The following ROBO1 variants were observed in gnomAD, a reference collection of about 807,000 sequenced individuals.
The protein encoded by ROBO1 is roundabout guidance receptor 1.
ROBO1 carries 149 observed loss-of-function variants against 195.9 expected under a neutral mutation model. The observed-to-expected ratio is 0.76, with a 90% CI of 0.67 to 0.87. ROBO1 has a LOEUF of 0.87. Ranked by LOEUF, ROBO1 falls within the 40% of genes least tolerant of loss-of-function variation. The pLI, the probability that ROBO1 is intolerant of heterozygous loss-of-function variation, is 0.00. For synonymous variants in ROBO1, 816 were observed against 733.2 expected, an observed-to-expected ratio of 1.11 and a Z score of -1.82; for missense variants, 1,933 against 2,068.3, an observed-to-expected ratio of 0.93 and a Z score of 1.27.
intron 3 of ROBO1, among the ~76,000 whole-genome samples, chr3:78,962,240 C>G (rs545497377): frequency 2.0e-5 from 3 of 152,226 alleles, no homozygotes; most frequent in South Asian, 4.1e-4. Flanking sequence ...AGGCAAAGTG[C>G]CTGTGCTTCA....
At chr3:79,731,059 A>G (rs1703129873) in intron 1 of ROBO1, among the ~76,000 whole-genome samples, 1 of 152,008 alleles carries the variant, frequency 6.6e-6, no homozygotes, top group Non-Finnish European at 1.5e-5. Flanking sequence ...TTCCTTTTCT[A>G]CATTTTAGTC....
chr3:79,468,954 T>C (rs1335285014), intron 2 of ROBO1, among the ~76,000 whole-genome samples: 1 of 152,186 alleles, frequency 6.6e-6, no homozygotes, highest in Non-Finnish European at 1.5e-5. Context: ...AGAAGTGTTG[T>C]GAAGACTAAA....
In ROBO1 at chr3:79,414,278, C is replaced by T. The variant is rs76510737; in HGVS notation, c.88+175546G>A. Among the ~76,000 whole-genome samples the T allele has an allele frequency of 2.9e-3, 433 of 151,536 alleles. 2 individuals are homozygous for T. Among genetic ancestry groups the T allele is most frequent in the African/African-American group, 9.1e-3 (377 of 41,388 alleles). On this transcript the variant is annotated intron_variant, in intron 2 of 30. Transcript: ENST00000464233. ...TGTGTATGTGTGCGTGTGTCTTCAA[C>T]AGTAGGTATACAGCTCATTGTGGGC...
At chr3:78,623,296 C>T (rs1275451401) in intron 26 of ROBO1, among the ~76,000 whole-genome samples, 2 of 152,024 alleles carry the variant, frequency 1.3e-5, no homozygotes, top group African/African-American at 4.8e-5. Flanking sequence ...AATCTTGGAT[C>T]TAAAGGATAC....
In ROBO1 at chr3:78,904,704, G is replaced by GTA. The variant is rs951070284; in HGVS notation, c.499+33895_499+33896dup. ...TGTATACGTATACATATGTATATAT[G>GTA]TATATATATATGTATATGTATATAT... On this transcript the variant is annotated intron_variant, in intron 4 of 30. Transcript: ENST00000464233. Among the ~76,000 whole-genome samples the GTA allele has an allele frequency of 1.4e-3, 192 of 138,076 alleles. 1 individual carries two copies. Among genetic ancestry groups the GTA allele is most frequent in the African/African-American group, 4.8e-3 (148 of 30,896 alleles). The allele number at this position is 138,076 out of a possible 152,430, so 90.6% of individuals were successfully genotyped here.
chr3:78,802,964 T>C (rs1559872058), intron 4 of ROBO1, among the ~76,000 whole-genome samples: 1 of 152,316 alleles, frequency 6.6e-6, no homozygotes, highest in Middle Eastern at 3.4e-3. Flanking sequence ...TGAATGATAC[T>C]GCCTTCAATA....
chr3:79,677,573 A>C (rs192703070), intron 1 of ROBO1, among the ~76,000 whole-genome samples: 1 of 152,162 alleles, frequency 6.6e-6, no homozygotes, highest in Non-Finnish European at 1.5e-5. Flanking sequence ...ATTATCTCCT[A>C]GTGGGTCTCC....
chr3:79,240,454 G>C (rs1037893278), intron 2 of ROBO1, among the ~76,000 whole-genome samples: 1 of 152,086 alleles, frequency 6.6e-6, no homozygotes, highest in East Asian at 1.9e-4. Context: ...ATTTAAGTCT[G>C]CTTGATCATC....
intron 2 of ROBO1, among the ~76,000 whole-genome samples, chr3:79,270,865 C>T (rs1004853393): frequency 6.6e-6 from 1 of 151,902 alleles, no homozygotes; most frequent in African/African-American, 2.4e-5. Flanking sequence ...CACAAACTCT[C>T]ATATAATGTA....
chr3:78,977,620 A>G (rs1273905992), intron 3 of ROBO1, among the ~76,000 whole-genome samples: 1 of 150,968 alleles, frequency 6.6e-6, no homozygotes, highest in African/African-American at 2.4e-5. Context: ...TTTAAAAAAA[A>G]AGATTATTCC....
chr3:78,791,348 G>C (rs1281996245), intron 4 of ROBO1, among the ~76,000 whole-genome samples: 1 of 152,098 alleles, frequency 6.6e-6, no homozygotes, highest in Non-Finnish European at 1.5e-5. Context: ...CTAATAAAAA[G>C]AGCAGTAAGG....
At chr3:78,880,013 A>G (rs2036088852) in intron 4 of ROBO1, among the ~76,000 whole-genome samples, 1 of 152,186 alleles carries the variant, frequency 6.6e-6, no homozygotes, top group African/African-American at 2.4e-5. Flanking sequence ...TGTATACATG[A>G]CCCTACATAA....
intron 3 of ROBO1, among the ~76,000 whole-genome samples, chr3:79,074,759 G>A (rs979473501): frequency 1.3e-5 from 2 of 151,376 alleles, no homozygotes; most frequent in African/African-American, 2.4e-5. Context: ...AGCTGACCTT[G>A]ACAAAAATGT....
At chr3:78,910,032 T>A (rs2038152951) in intron 4 of ROBO1, among the ~76,000 whole-genome samples, 2 of 151,858 alleles carry the variant, frequency 1.3e-5, no homozygotes, top group African/African-American at 4.8e-5. Flanking sequence ...TAGACACATT[T>A]CATAAAGACA....
At chr3:78,678,855 G>T (rs1319645969) in intron 10 of ROBO1, among the ~76,000 whole-genome samples, 5 of 151,958 alleles carry the variant, frequency 3.3e-5, no homozygotes, top group East Asian at 3.9e-4. Flanking sequence ...TACCAAAGCC[G>T]GGCAGAGACA....
At chr3:79,502,343 C>G (rs901894511) in intron 2 of ROBO1, among the ~76,000 whole-genome samples, 2 of 152,170 alleles carry the variant, frequency 1.3e-5, no homozygotes, top group Non-Finnish European at 2.9e-5. Context: ...GCGAGCCGCA[C>G]TTGGAGCAGA....
intron 4 of ROBO1, among the ~76,000 whole-genome samples, chr3:78,759,758 T>C (rs1302840341): frequency 6.6e-6 from 1 of 152,152 alleles, no homozygotes; most frequent in Non-Finnish European, 1.5e-5. Context: ...ACATTTTCTA[T>C]TTTTGCTGCC....
intron 1 of ROBO1, among the ~76,000 whole-genome samples, chr3:79,759,421 T>A (rs1704575394): frequency 6.6e-6 from 1 of 152,200 alleles, no homozygotes; most frequent in South Asian, 2.1e-4. Context: ...CATGCAACAG[T>A]CGTACAGTGA....
At chr3:78,616,129 G>A (rs79653338) in intron 27 of ROBO1, among the ~76,000 whole-genome samples, 1,988 of 152,160 alleles carry the variant, frequency 0.013, 48 homozygotes, top group African/African-American at 0.042. Flanking sequence ...CAGACTCTGA[G>A]CTATAAGGTT....
Sources: gnomAD v4.1 joint callset for allele counts (sites outside exome capture counted in the v4.1 genomes callset) on GRCh38, gnomAD v4.1.1 for gene constraint, MANE v1.5 for transcripts, NCBI Gene and HGNC (gene_info 2026-07-23, HGNC 2026-07-21) for gene names.